MB21D2: variants seen among roughly 807,000 people sequenced by gnomAD.
The protein encoded by MB21D2 is Mab-21 domain containing 2.
In MB21D2, 9 loss-of-function variants were observed where a neutral mutation model predicts 33.3. The ratio of observed to expected loss-of-function variants is 0.27; its 90% confidence interval spans 0.16 to 0.47. The LOEUF (loss-of-function observed/expected upper bound fraction) is 0.47, where lower values mean the gene tolerates loss of function less well. MB21D2 is among the 20% of genes least tolerant of loss of function. The pLI, the probability that MB21D2 is intolerant of heterozygous loss-of-function variation, is 0.99. For missense variants in MB21D2, 540 were observed against 624.6 expected, an observed-to-expected ratio of 0.86 and a Z score of 1.44; for synonymous variants, 241 against 236.3, an observed-to-expected ratio of 1.02 and a Z score of -0.18.
Position 192,891,160 on chromosome 3 carries a change from T to G in MB21D2, c.211+26470A>C, listed in dbSNP as rs1268247859. On this transcript the variant is annotated intron_variant, in intron 1 of 1. Coordinates refer to ENST00000392452, the MANE Select transcript of MB21D2 (RefSeq NM_178496.4). ...AGTCATTTTATCTCAAACAGGTAGG[T>G]GTATTATGCAATTTTTCATGAGAAA... Among the ~76,000 whole-genome samples, 3 of 152,288 alleles carry G rather than the reference T, an allele frequency of 2.0e-5. No individual in the cohort carries two copies. The East Asian group carries it at 5.8e-4, about 29-fold the overall frequency.
chr3:192,867,317 CAG>C lies in MB21D2; in HGVS notation c.211+50311_211+50312del, dbSNP rs1342180714. 7.9e-5 allele frequency among the ~76,000 whole-genome samples: 12 copies of C among 152,262 alleles called. No homozygotes were observed. In the South Asian group the frequency reaches 2.5e-3, roughly 32 times the overall value. ...CTCTCTGGCTGAGAAAGGGTCCCAGCAGAGTCATGGAGCCTGAGGCTGATACA... is the reference window on the plus strand; with the variant it reads ...CTCTCTGGCTGAGAAAGGGTCCCAGCAGTCATGGAGCCTGAGGCTGATACA... On this transcript the variant is annotated intron_variant, in intron 1 of 1. Coordinates refer to ENST00000392452, the MANE Select transcript of MB21D2 (RefSeq NM_178496.4).
intron 1 of MB21D2, among the ~76,000 whole-genome samples, chr3:192,904,191 A>C (rs531354063): frequency 2.6e-5 from 4 of 152,296 alleles, no homozygotes; most frequent in African/African-American, 9.6e-5. Context: ...TCAAAGAGAA[A>C]ATGTATTCAG....
rs1714030656 is a variant in MB21D2, at chr3:192,898,775, C to T, written c.211+18855G>A. ...ATAACCGACTGGTGCAACTAAGAAA[C>T]CTGTGACGCTAGAAGGCCAGGGAAA... is the stretch of plus-strand genomic sequence containing the variant. On this transcript the variant is annotated intron_variant, in intron 1 of 1. Transcript: ENST00000392452. Among the ~76,000 whole-genome samples, 3 of 152,142 alleles carry T rather than the reference C, an allele frequency of 2.0e-5. No individual in the cohort carries two copies. In the South Asian group the frequency reaches 6.2e-4, roughly 32 times the overall value.
chr3:192,798,044 C>T lies in MB21D2; in HGVS notation c.*342G>A, dbSNP rs2108606668. On this transcript the variant is annotated 3_prime_UTR_variant, in exon 2 of 2. Coordinates refer to ENST00000392452, the MANE Select transcript of MB21D2 (RefSeq NM_178496.4). The surrounding 1 kb of genome is among the most constrained non-coding windows in gnomAD (Gnocchi z 4.8). ...TCAGAAAGAGATTTGTTTCCCCATA[C>T]CCATGAACAAATTTGCACCAAGTAT... 4.9e-6 allele frequency: 1 copy of T among 205,894 alleles called. No individual in the cohort carries two copies. The highest frequency in any genetic ancestry group is 5.2e-5 in the Admixed American group (1 of 19,172). The allele number at this position is 205,894 out of a possible 1,614,324, so 12.8% of individuals were successfully genotyped here. A position where few individuals can be genotyped will look rare whatever the true frequency, so the allele number is the denominator to read the frequency against.
chr3:192,876,184 A>G (rs887448265), intron 1 of MB21D2, among the ~76,000 whole-genome samples: 1 of 152,038 alleles, frequency 6.6e-6, no homozygotes, highest in Non-Finnish European at 1.5e-5. Flanking sequence ...CTGCCAACTC[A>G]GCAGCCCCAG....
chr3:192,917,538 A>G, intron 1 of MB21D2, 92 bp downstream of exon 1: 1 of 1,383,728 alleles, frequency 7.2e-7, no homozygotes, highest in Non-Finnish European at 1.0e-6. Flanking sequence ...GCAACCCAGA[A>G]GGGAAGAGGT....
chr3:192,814,672 C>G (rs561052043), intron 1 of MB21D2, among the ~76,000 whole-genome samples: 1 of 151,912 alleles, frequency 6.6e-6, no homozygotes, highest in South Asian at 2.1e-4. Context: ...ACCATCCTGG[C>G]TAACACGGTG....
At chr3:192,837,920 G>C (rs543878393) in intron 1 of MB21D2, among the ~76,000 whole-genome samples, 2 of 152,266 alleles carry the variant, frequency 1.3e-5, no homozygotes, top group East Asian at 3.9e-4. Context: ...TTCTACATTA[G>C]TTTTCTATTA....
chr3:192,896,418 G>GTGCCTATTCACAGGTGTGA (rs11272541), intron 1 of MB21D2, among the ~76,000 whole-genome samples: 1 of 151,862 alleles, frequency 6.6e-6, no homozygotes, highest in Non-Finnish European at 1.5e-5. Context: ...CTGTTGTGCA[G>GTGCCTATTCACAGGTGTGA]TCATAGTACA....
chr3:192,860,068 C>T (rs1199077177), intron 1 of MB21D2, among the ~76,000 whole-genome samples: 1 of 152,208 alleles, frequency 6.6e-6, no homozygotes, highest in East Asian at 1.9e-4. Context: ...AATTACAGGC[C>T]TTGTTAGAAA....
At chr3:192,865,271 G>A (rs1713145539) in intron 1 of MB21D2, among the ~76,000 whole-genome samples, 1 of 152,220 alleles carries the variant, frequency 6.6e-6, no homozygotes, top group African/African-American at 2.4e-5. Flanking sequence ...CAGCATGAAT[G>A]AGGCTGGAAG....
At chr3:192,902,807 C>T (rs980875709) in intron 1 of MB21D2, among the ~76,000 whole-genome samples, 1 of 152,186 alleles carries the variant, frequency 6.6e-6, no homozygotes, top group African/African-American at 2.4e-5. Context: ...GCAACTCCTC[C>T]CAGCCACAGG....
At chr3:192,852,569 T>C (rs1273918628) in intron 1 of MB21D2, among the ~76,000 whole-genome samples, 2 of 152,214 alleles carry the variant, frequency 1.3e-5, no homozygotes. Flanking sequence ...ACAGTCTCTT[T>C]ACTTCATAGT....
intron 1 of MB21D2, among the ~76,000 whole-genome samples, chr3:192,890,051 C>A (rs980834316): frequency 6.6e-6 from 1 of 152,018 alleles, no homozygotes; most frequent in African/African-American, 2.4e-5. Context: ...AAAAACAATT[C>A]TTTTTACCTT....
At chr3:192,841,763 G>A (rs113587112) in intron 1 of MB21D2, among the ~76,000 whole-genome samples, 71 of 152,334 alleles carry the variant, frequency 4.7e-4, no homozygotes, top group African/African-American at 1.6e-3. Context: ...ACAGCAATAG[G>A]TAACTAATAA....
intron 1 of MB21D2, among the ~76,000 whole-genome samples, chr3:192,810,002 A>T (rs1287116399): frequency 6.6e-6 from 1 of 152,214 alleles, no homozygotes; most frequent in Non-Finnish European, 1.5e-5. Context: ...TTTGAAGGTC[A>T]TATCCCCTAA....
intron 1 of MB21D2, among the ~76,000 whole-genome samples, chr3:192,811,193 G>A (rs1711781175): frequency 6.6e-6 from 1 of 152,186 alleles, no homozygotes; most frequent in African/African-American, 2.4e-5. Context: ...TCTACATTGG[G>A]TTCTATACAA....
In MB21D2 at chr3:192,865,103, C is replaced by T. The variant is rs138705995; in HGVS notation, c.211+52527G>A. 1.2e-3 allele frequency among the ~76,000 whole-genome samples: 181 copies of T among 152,320 alleles called. 1 individual carries two copies. Among genetic ancestry groups the T allele is most frequent in the African/African-American group, 3.9e-3 (161 of 41,572 alleles). On this transcript the variant is annotated intron_variant, in intron 1 of 1. Coordinates refer to ENST00000392452, the MANE Select transcript of MB21D2 (RefSeq NM_178496.4). ...AATGAAAGTAACAGCTGCTTCTCAA[C>T]GGTGGAGGAGCATGAGGATGTCAGT...
chr3:192,850,653 T>C (rs1712780609), intron 1 of MB21D2, among the ~76,000 whole-genome samples: 1 of 152,144 alleles, frequency 6.6e-6, no homozygotes, highest in African/African-American at 2.4e-5. Flanking sequence ...CGCTGCCGAA[T>C]CAGCCCTGAG....
Sources: allele counts gnomAD v4.1 joint callset (sites outside exome capture counted in the v4.1 genomes callset), GRCh38; gene constraint gnomAD v4.1.1; non-coding constraint Gnocchi (gnomAD v3.1); transcripts MANE v1.5; gene names NCBI Gene and HGNC (gene_info 2026-07-23, HGNC 2026-07-21).